The following TAFA2 variants were observed in gnomAD, a reference collection of about 807,000 sequenced individuals.
TAFA2 encodes TAFA chemokine like family member 2, also known as chemokine-like protein TAFA-2.
A neutral mutation model predicts 18.8 loss-of-function variants in TAFA2; 7 were observed. The ratio of observed to expected loss-of-function variants is 0.37; its 90% confidence interval spans 0.21 to 0.70. The LOEUF (loss-of-function observed/expected upper bound fraction) is 0.70, where lower values mean the gene tolerates loss of function less well. Ranked by LOEUF, TAFA2 falls within the 30% of genes least tolerant of loss-of-function variation. The pLI is 0.53. For missense variants in TAFA2, 122 were observed against 158.1 expected (o/e 0.77, Z 1.23); for synonymous variants, 60 against 54.2 (o/e 1.11, Z -0.47).
chr12:62,222,689 T>TC (rs1291415288), intron 1 of TAFA2, among the ~76,000 whole-genome samples: 2 of 149,770 alleles, frequency 1.3e-5, no homozygotes, highest in African/African-American at 2.5e-5. Flanking sequence ...TTTTTTTTTT[T>TC]ATTTTTAGTA....
intron 1 of TAFA2, among the ~76,000 whole-genome samples, chr12:62,040,600 C>T (rs1881731115): frequency 6.6e-6 from 1 of 152,082 alleles, no homozygotes; most frequent in Non-Finnish European, 1.5e-5. Flanking sequence ...CCTCTAGAGG[C>T]TTCGGGGAGA....
At chr12:62,062,691 C>A (rs145096524) in intron 1 of TAFA2, among the ~76,000 whole-genome samples, 1 of 152,250 alleles carries the variant, frequency 6.6e-6, no homozygotes, top group South Asian at 2.1e-4. Flanking sequence ...AAAGGTCTCA[C>A]CAGACTAATA....
chr12:61,877,918 T>TACACACAC (rs796244007), intron 1 of TAFA2, among the ~76,000 whole-genome samples: 4,042 of 78,502 alleles, frequency 0.051, 64 homozygotes, highest in Non-Finnish European at 0.062. Context: ...TATATATATA[T>TACACACAC]ATATATACAC....
chr12:62,006,967 A>C (rs923590750), intron 1 of TAFA2, among the ~76,000 whole-genome samples: 2 of 152,212 alleles, frequency 1.3e-5, no homozygotes, highest in Non-Finnish European at 2.9e-5. Context: ...GACTAAATGG[A>C]CTATATATTT....
chr12:62,029,489 A>C (rs1400549485), intron 1 of TAFA2, among the ~76,000 whole-genome samples: 1 of 152,178 alleles, frequency 6.6e-6, no homozygotes, highest in Non-Finnish European at 1.5e-5. Context: ...AACCCTAGTA[A>C]ACAGCACAGT....
At chr12:62,086,580 C>T (rs989724835) in intron 1 of TAFA2, among the ~76,000 whole-genome samples, 8 of 151,884 alleles carry the variant, frequency 5.3e-5, no homozygotes, top group Non-Finnish European at 1.0e-4. Context: ...AAATGCAAAT[C>T]AAAACCACAA....
chr12:61,720,547 C>T (rs1367986609), intron 4 of TAFA2: 1 of 181,272 alleles, frequency 5.5e-6, no homozygotes, highest in Non-Finnish European at 1.2e-5. Context: ...TTACTGACCA[C>T]TGAGGCAGTT....
intron 2 of TAFA2, among the ~76,000 whole-genome samples, chr12:61,778,447 A>G (rs568181093): frequency 8.1e-4 from 123 of 151,862 alleles, no homozygotes; most frequent in African/African-American, 2.8e-3. Flanking sequence ...GCCACCAGTC[A>G]TGATGCTGCC....
chr12:61,775,084 G>A (rs1030977175), intron 2 of TAFA2, among the ~76,000 whole-genome samples: 1 of 151,754 alleles, frequency 6.6e-6, no homozygotes, highest in Admixed American at 6.6e-5. Context: ...CAAATCATGT[G>A]TCATCAGATA....
At chr12:62,124,826 C>T (rs1032983886) in intron 1 of TAFA2, among the ~76,000 whole-genome samples, 3 of 152,074 alleles carry the variant, frequency 2.0e-5, no homozygotes, top group Non-Finnish European at 2.9e-5. Context: ...TTGGCAGAAC[C>T]TCTAGTTACT....
chr12:62,004,192 C>A (rs1012074862), intron 1 of TAFA2, among the ~76,000 whole-genome samples: 1 of 152,128 alleles, frequency 6.6e-6, no homozygotes, highest in East Asian at 1.9e-4. Flanking sequence ...AGCAGCCATA[C>A]ATAATTAAAG....
intron 1 of TAFA2, among the ~76,000 whole-genome samples, chr12:62,012,440 T>C (rs2136715735): frequency 6.6e-6 from 1 of 151,898 alleles, no homozygotes; most frequent in East Asian, 1.9e-4. Context: ...ACTGTTGATT[T>C]GTTTTAACCT....
At chr12:62,057,885 G>A (rs9669548) in intron 1 of TAFA2, among the ~76,000 whole-genome samples, 15,625 of 152,002 alleles carry the variant, frequency 0.1, 1,044 homozygotes, top group Non-Finnish European at 0.15. Flanking sequence ...GATTTTCTTC[G>A]CTCACCATTC....
intron 1 of TAFA2, among the ~76,000 whole-genome samples, chr12:61,870,409 G>T (rs1565663302): frequency 6.6e-6 from 1 of 152,100 alleles, no homozygotes; most frequent in Non-Finnish European, 1.5e-5. Flanking sequence ...GATAAATTTT[G>T]TTGACTAAAT....
At chr12:61,838,442 G>A (rs1186194090) in intron 2 of TAFA2, among the ~76,000 whole-genome samples, 1 of 152,024 alleles carries the variant, frequency 6.6e-6, no homozygotes, top group Non-Finnish European at 1.5e-5. Context: ...TCACATTCCA[G>A]ACAGAGAAGA....
chr12:62,181,920 A>G (rs938120292), intron 1 of TAFA2, among the ~76,000 whole-genome samples: 9 of 152,172 alleles, frequency 5.9e-5, no homozygotes, highest in African/African-American at 2.2e-4. Context: ...TACAAAAAGG[A>G]AGAGATATTC....
At chr12:62,226,523 T>C (rs1162250132) in intron 1 of TAFA2, among the ~76,000 whole-genome samples, 1 of 152,116 alleles carries the variant, frequency 6.6e-6, no homozygotes, top group East Asian at 1.9e-4. Flanking sequence ...GCAATCTCAT[T>C]CCACTCTCTG....
intron 1 of TAFA2, among the ~76,000 whole-genome samples, chr12:61,899,552 T>G (rs1876005018): frequency 1.3e-5 from 2 of 151,998 alleles, no homozygotes; most frequent in African/African-American, 4.8e-5. Context: ...AACCATCAGA[T>G]CTCATGAGAA....
In TAFA2 at chr12:62,213,149, G is replaced by A. The variant is rs7297835; in HGVS notation, c.-130+45614C>T. Among the ~76,000 whole-genome samples the A allele has an allele frequency of 7.2e-5, 11 of 151,858 alleles. No individual in the cohort carries two copies. The South Asian group carries it at 1.2e-3, about 17-fold the overall frequency. On this transcript the variant is annotated intron_variant, in intron 1 of 5. Coordinates refer to the TAFA2 transcript ENST00000551619. Reference sequence around the variant, plus strand: ...GGCAGCTGCTCATATACCCCACCACGGTTCATTCCCTTCTTACTTGGGTAA... The same window carrying A: ...GGCAGCTGCTCATATACCCCACCACAGTTCATTCCCTTCTTACTTGGGTAA...
Sources: gnomAD v4.1 joint callset for allele counts (sites outside exome capture counted in the v4.1 genomes callset) on GRCh38, gnomAD v4.1.1 for gene constraint, MANE v1.5 for transcripts, NCBI Gene and HGNC (gene_info 2026-07-23, HGNC 2026-07-21) for gene names.